COL27A1: variants seen among roughly 807,000 people sequenced by gnomAD.
The protein encoded by COL27A1 is collagen type XXVII alpha 1 chain, also known as collagen alpha-1(XXVII) chain.
In COL27A1, 106 loss-of-function variants were observed where a neutral mutation model predicts 251.3. The ratio of observed to expected loss-of-function variants is 0.42; its 90% CI spans 0.36 to 0.50. The LOEUF (loss-of-function observed/expected upper bound fraction) is 0.50. Ranked by LOEUF, COL27A1 falls within the 20% of genes least tolerant of loss-of-function variation. The pLI is 0.00. For missense variants in COL27A1, 2,325 were observed against 2,522.8 expected (o/e 0.92, Z 1.68); for synonymous variants, 1,000 against 986.3 (o/e 1.01, Z -0.26).
chr9:114,275,966 C>A (rs957402111), intron 37 of COL27A1, among the ~76,000 whole-genome samples, 198 bp downstream of exon 37: 1 of 152,224 alleles, frequency 6.6e-6, no homozygotes, highest in Non-Finnish European at 1.5e-5. Context: ...CTCGGTTACT[C>A]ATCCTCCTGG....
At chr9:114,231,949 G>C in intron 16 of COL27A1, 83 bp downstream of exon 16, 1 of 1,373,852 alleles carries the variant, frequency 7.3e-7, no homozygotes, top group Middle Eastern at 1.8e-4. Flanking sequence ...CTGATTTCTC[G>C]CCAGGTCCAC....
intron 24 of COL27A1, among the ~76,000 whole-genome samples, chr9:114,247,937 A>C (rs879305761): frequency 6.6e-6 from 1 of 152,212 alleles, no homozygotes; most frequent in Non-Finnish European, 1.5e-5. Context: ...CAACAACCCA[A>C]TAACAGTGAC....
At chr9:114,170,445 C>T (rs772013385) in intron 3 of COL27A1, among the ~76,000 whole-genome samples, 3 of 152,180 alleles carry the variant, frequency 2.0e-5, no homozygotes, top group Admixed American at 6.5e-5. Context: ...AGATGACCAC[C>T]GTGTGGTGGC....
intron 2 of COL27A1, among the ~76,000 whole-genome samples, chr9:114,165,647 T>C (rs1202854080): frequency 8.0e-6 from 1 of 125,032 alleles, no homozygotes; most frequent in East Asian, 2.4e-4. Context: ...TATCCATCCA[T>C]TTATCCATCC....
rs777285842 is a variant in COL27A1 at position 114,306,500 on chromosome 9, C to T, written c.4939-20C>T. ...GACCAGGACCCTAAGGTCCCAATGA[C>T]CACCCTCTCCTCGTGACAGAGTTAC... On this transcript the variant is annotated intron_variant, in intron 57 of 60. Transcript: ENST00000356083. 4 of 1,612,970 alleles carry T rather than the reference C, an allele frequency of 2.5e-6. No homozygotes were observed. The highest frequency in any genetic ancestry group is 2.2e-5 in the East Asian group (1 of 44,854).
chr9:114,182,771 TAAC>T (rs1173241876), intron 4 of COL27A1, among the ~76,000 whole-genome samples: 1 of 152,134 alleles, frequency 6.6e-6, no homozygotes, highest in Non-Finnish European at 1.5e-5. Context: ...AAAATAGTAA[TAAC>T]AACACCACCT....
At chr9:114,186,391 G>A (rs1828336681) in intron 5 of COL27A1, among the ~76,000 whole-genome samples, 1 of 152,272 alleles carries the variant, frequency 6.6e-6, no homozygotes, top group Admixed American at 6.5e-5. Flanking sequence ...CAGGGACACA[G>A]GCAGGCATGG....
At chr9:114,182,988 A>G in intron 4 of COL27A1, 34 bp from the exon 5 acceptor site, 2 of 1,602,414 alleles carry the variant, frequency 1.2e-6, no homozygotes, top group Non-Finnish European at 1.7e-6. Context: ...GTTTTTTGTC[A>G]CCTTTTTTTG....
intron 4 of COL27A1, among the ~76,000 whole-genome samples, chr9:114,179,988 G>GC (rs896893143): frequency 2.0e-5 from 3 of 151,838 alleles, no homozygotes; most frequent in African/African-American, 7.3e-5. Context: ...ACAAGCACAC[G>GC]CCCCCGGGCC....
intron 1 of COL27A1, among the ~76,000 whole-genome samples, chr9:114,161,888 G>A (rs758459317): frequency 1.3e-5 from 2 of 152,022 alleles, no homozygotes; most frequent in Non-Finnish European, 2.9e-5. Flanking sequence ...CCATCTAGGG[G>A]AGTATTTTTG....
intron 34 of COL27A1, 96 bp downstream of exon 34, chr9:114,267,653 G>A (rs1834838176): frequency 8.5e-7 from 1 of 1,172,696 alleles, no homozygotes. Context: ...GGCCTTTCTT[G>A]TGGCTGGGAT....
chr9:114,241,121 T>A (rs904834492), intron 21 of COL27A1, among the ~76,000 whole-genome samples: 2 of 152,322 alleles, frequency 1.3e-5, no homozygotes, highest in South Asian at 2.1e-4. Flanking sequence ...TGAAGTGGGT[T>A]GGGAGGGGTC....
chr9:114,170,832 G>T (rs1166737556), intron 3 of COL27A1, among the ~76,000 whole-genome samples: 2 of 152,262 alleles, frequency 1.3e-5, no homozygotes, highest in Non-Finnish European at 2.9e-5. Flanking sequence ...GGCACCAGGT[G>T]CCTTGGGGCC....
chr9:114,187,825 T>C (rs1174110720), intron 5 of COL27A1, among the ~76,000 whole-genome samples: 1 of 152,260 alleles, frequency 6.6e-6, no homozygotes, highest in Admixed American at 6.5e-5. Context: ...TCAGTTCCAC[T>C]TTAAATTAAT....
intron 49 of COL27A1, among the ~76,000 whole-genome samples, chr9:114,296,789 A>C (rs1470401390): frequency 6.6e-6 from 1 of 152,198 alleles, no homozygotes; most frequent in Admixed American, 6.5e-5. Flanking sequence ...ATAGCCCCAA[A>C]TTGAAAAAAA....
intron 2 of COL27A1, among the ~76,000 whole-genome samples, chr9:114,164,933 C>T (rs1357011242): frequency 6.6e-6 from 1 of 152,174 alleles, no homozygotes; most frequent in Non-Finnish European, 1.5e-5. Context: ...GAACCAGCAA[C>T]ACAGAGCTAT....
chr9:114,239,945 A>G (rs1460020397), intron 19 of COL27A1, among the ~76,000 whole-genome samples: 2 of 152,200 alleles, frequency 1.3e-5, no homozygotes, highest in African/African-American at 4.8e-5. Context: ...GATTTGAGAA[A>G]TAACGACCTT....
At chr9:114,212,951 C>T (rs1300200282) in intron 12 of COL27A1, among the ~76,000 whole-genome samples, 1 of 152,202 alleles carries the variant, frequency 6.6e-6, no homozygotes, top group Non-Finnish European at 1.5e-5. Context: ...CCCCAACACT[C>T]AGGCCAGCCT....
chr9:114,222,401 C>A, intron 14 of COL27A1, 134 bp downstream of exon 14: 1 of 472,328 alleles, frequency 2.1e-6, no homozygotes. Context: ...CCCAGAGGGG[C>A]TGGGGGGCCA....
Sources: gnomAD v4.1 joint callset for allele counts (sites outside exome capture counted in the v4.1 genomes callset) on GRCh38, gnomAD v4.1.1 for gene constraint, MANE v1.5 for transcripts, NCBI Gene and HGNC (gene_info 2026-07-23, HGNC 2026-07-21) for gene names.